Variants in DNM3 observed in about 807,000 individuals in gnomAD.
The protein encoded by DNM3 is dynamin 3.
In DNM3, 47 loss-of-function variants were observed where a neutral mutation model predicts 101.6. That is an observed-to-expected ratio of 0.46 (90% confidence interval 0.37 to 0.59). The LOEUF (loss-of-function observed/expected upper bound fraction) is 0.59. Among genes scored for constraint, DNM3 ranks in the 20% least tolerant of loss-of-function variants. DNM3 has a pLI of 0.00. For synonymous variants in DNM3, 385 were observed against 387.9 expected (o/e 0.99, Z 0.09); for missense variants, 849 against 1,085.7 (o/e 0.78, Z 3.06).
chr1:172,332,432 C>G (rs1164274830), intron 17 of DNM3, among the ~76,000 whole-genome samples: 1 of 152,148 alleles, frequency 6.6e-6, no homozygotes, highest in Non-Finnish European at 1.5e-5. Flanking sequence ...GCCCCAGCAT[C>G]CTGAGTAGCT....
chr1:172,227,365 G>A (rs556457635), intron 14 of DNM3, among the ~76,000 whole-genome samples: 25 of 143,962 alleles, frequency 1.7e-4, no homozygotes, highest in Non-Finnish European at 2.6e-4. Flanking sequence ...ATATCTTTGC[G>A]GTTGTGAATT....
chr1:172,066,979 TG>T (rs2051730641), intron 10 of DNM3, among the ~76,000 whole-genome samples: 1 of 151,958 alleles, frequency 6.6e-6, no homozygotes, highest in Non-Finnish European at 1.5e-5. Flanking sequence ...TGTGTGTTTG[TG>T]TGTGTGTGCG....
At chr1:172,294,911 CAAA>C (rs57685535) in intron 15 of DNM3, among the ~76,000 whole-genome samples, 982 of 86,984 alleles carry the variant, frequency 0.011, 9 homozygotes, top group African/African-American at 0.037. Flanking sequence ...GACTTTGTCT[CAAA>C]AAAAAAAAAA....
intron 13 of DNM3, among the ~76,000 whole-genome samples, chr1:172,104,406 G>A (rs962288655): frequency 1.3e-5 from 2 of 151,882 alleles, no homozygotes; most frequent in Non-Finnish European, 2.9e-5. Flanking sequence ...AGTTACTTAT[G>A]TCTATAACTT....
chr1:172,104,239 A>G (rs1021232275), intron 13 of DNM3, among the ~76,000 whole-genome samples: 1 of 152,216 alleles, frequency 6.6e-6, no homozygotes, highest in African/African-American at 2.4e-5. Context: ...TTATAAAACA[A>G]AAAGTTATAA....
rs558568408 is a variant in DNM3 at position 172,255,675 on chromosome 1, A to T, written c.1769+1993A>T. 1.5e-3 allele frequency among the ~76,000 whole-genome samples: 223 copies of T among 152,228 alleles called. 1 individual carries two copies. Among genetic ancestry groups the T allele is most frequent in the Non-Finnish European group, 3.5e-4 (24 of 68,002 alleles). On this transcript the variant is annotated intron_variant, in intron 15 of 20. Transcript: ENST00000627582. ...CTGCCACTTCTCAGTGACCTCAGTG[A>T]GTATATAGATGTACCCACATTGGCC... is the stretch of plus-strand genomic sequence containing the variant.
In DNM3 at chr1:172,308,773, C is replaced by T. The variant is rs1442198701; in HGVS notation, c.1815C>T (p.Ser605=). ...GCTTCCTTGAGCTGGCATGTGATTC[C>T]CAGGAGGATGTCGACAGCTGGAAGG... ...DYRFLELACD[S]QEDVDSWKAS... The change falls in exon 16 of 21, where the codon TCC becomes TCT. Residue 605 remains serine (S), a synonymous_variant. Coordinates refer to ENST00000627582, the MANE Select transcript of DNM3 (RefSeq NM_015569.5). 2.5e-6 allele frequency: 4 copies of T among 1,609,514 alleles called. No homozygotes were observed. Among genetic ancestry groups the T allele is most frequent in the Non-Finnish European group, 2.5e-6 (3 of 1,178,146 alleles).
At chr1:172,007,757 G>GT (rs1239285661) in intron 4 of DNM3, among the ~76,000 whole-genome samples, 4 of 151,834 alleles carry the variant, frequency 2.6e-5, no homozygotes, top group Non-Finnish European at 5.9e-5. Flanking sequence ...GTAGTTTTAG[G>GT]TTTTAAAAAA....
intron 14 of DNM3, among the ~76,000 whole-genome samples, chr1:172,177,474 A>G (rs868274752): frequency 1.4e-4 from 22 of 151,856 alleles, no homozygotes; most frequent in African/African-American, 5.1e-4. Context: ...TGGATCTTGG[A>G]ATGTATCCCC....
chr1:171,937,736 ATTTTTCTAT>A (rs1241264379), intron 2 of DNM3, among the ~76,000 whole-genome samples: 3 of 139,916 alleles, frequency 2.1e-5, no homozygotes, highest in Non-Finnish European at 3.2e-5. Flanking sequence ...CATTTAGCTA[ATTTTTCTAT>A]TTTTTGTACA....
intron 18 of DNM3, among the ~76,000 whole-genome samples, chr1:172,379,864 A>G (rs566606708): frequency 1.3e-5 from 2 of 152,024 alleles, no homozygotes; most frequent in Non-Finnish European, 2.9e-5. Context: ...AACTTTTTAC[A>G]GTACAAATAA....
At chr1:172,226,951 T>A (rs2061146792) in intron 14 of DNM3, among the ~76,000 whole-genome samples, 1 of 151,994 alleles carries the variant, frequency 6.6e-6, no homozygotes, top group African/African-American at 2.4e-5. Flanking sequence ...ACAAGTGTTT[T>A]TTGGTCACAT....
At chr1:171,991,431 T>C (rs1386933638) in intron 4 of DNM3, among the ~76,000 whole-genome samples, 2 of 152,060 alleles carry the variant, frequency 1.3e-5, no homozygotes, top group East Asian at 3.9e-4. Flanking sequence ...CTCACAAAAC[T>C]CGGAGAAACA....
intron 14 of DNM3, among the ~76,000 whole-genome samples, chr1:172,225,255 C>T: frequency 6.8e-6 from 1 of 147,276 alleles, no homozygotes; most frequent in East Asian, 2.1e-4. Flanking sequence ...TCTCCCTTCT[C>T]AGCCTCCCGA....
intron 10 of DNM3, among the ~76,000 whole-genome samples, chr1:172,058,727 C>A (rs1281582234): frequency 1.3e-5 from 2 of 151,412 alleles, no homozygotes; most frequent in Non-Finnish European, 2.9e-5. Flanking sequence ...GCACTAAATG[C>A]CCACAAGAGA....
chr1:171,974,956 C>T (rs1453031209), intron 2 of DNM3, among the ~76,000 whole-genome samples: 3 of 151,708 alleles, frequency 2.0e-5, no homozygotes, highest in Non-Finnish European at 2.9e-5. Flanking sequence ...CTCAAGCAAT[C>T]CTCCTGTCTC....
At chr1:172,272,403 T>C (rs1258794693) in intron 15 of DNM3, among the ~76,000 whole-genome samples, 2 of 152,190 alleles carry the variant, frequency 1.3e-5, no homozygotes, top group Admixed American at 6.6e-5. Context: ...GACATAGCAG[T>C]GAAGGCTACA....
At chr1:171,844,673 G>A (rs2031794107) in intron 1 of DNM3, among the ~76,000 whole-genome samples, 1 of 152,194 alleles carries the variant, frequency 6.6e-6, no homozygotes, top group Non-Finnish European at 1.5e-5. Context: ...ATATTAATGT[G>A]ATATAGCATG....
At chr1:172,109,475 C>G (rs1464541935) in intron 13 of DNM3, among the ~76,000 whole-genome samples, 1 of 152,206 alleles carries the variant, frequency 6.6e-6, no homozygotes, top group Non-Finnish European at 1.5e-5. Flanking sequence ...GTGCACATAG[C>G]CTGACCACTG....
Sources: gnomAD v4.1 joint callset for allele counts (sites outside exome capture counted in the v4.1 genomes callset) on GRCh38, gnomAD v4.1.1 for gene constraint, MANE v1.5 for transcripts, NCBI Gene and HGNC (gene_info 2026-07-23, HGNC 2026-07-21) for gene names.